NRG3: variants seen among roughly 807,000 people sequenced by gnomAD.
The protein encoded by NRG3 is neuregulin 3, also known as pro-neuregulin-3, membrane-bound isoform.
A neutral mutation model predicts 66.9 loss-of-function variants in NRG3; 31 were observed. The observed-to-expected ratio is 0.46, with a 90% CI of 0.35 to 0.63. The LOEUF (loss-of-function observed/expected upper bound fraction) is 0.63. Ranked by LOEUF, NRG3 falls within the 20% of genes least tolerant of loss-of-function variation. NRG3 has a pLI of 0.00. For missense variants in NRG3, 910 were observed against 878.9 expected, an observed-to-expected ratio of 1.04 and a Z score of -0.45; for synonymous variants, 393 against 359.4, an observed-to-expected ratio of 1.09 and a Z score of -1.06.
At chr10:82,514,038 T>C (rs1438579234) in intron 2 of NRG3, among the ~76,000 whole-genome samples, 4 of 152,182 alleles carry the variant, frequency 2.6e-5, no homozygotes, top group Admixed American at 2.6e-4. Context: ...ATGAGGTTGT[T>C]TGTTTTTTCC....
chr10:81,989,571 A>G (rs1353937577), intron 1 of NRG3, among the ~76,000 whole-genome samples: 1 of 152,172 alleles, frequency 6.6e-6, no homozygotes, highest in Non-Finnish European at 1.5e-5. Flanking sequence ...GTTTTCTCCG[A>G]GGGAATATTT....
intron 1 of NRG3, among the ~76,000 whole-genome samples, chr10:82,291,078 A>G (rs543883054): frequency 8.5e-5 from 13 of 152,242 alleles, no homozygotes; most frequent in African/African-American, 2.9e-4. Flanking sequence ...CAGTTGAACC[A>G]TAATATATAT....
At chr10:82,242,870 A>ATATT (rs1233704260) in intron 1 of NRG3, among the ~76,000 whole-genome samples, 1 of 152,216 alleles carries the variant, frequency 6.6e-6, no homozygotes, top group African/African-American at 2.4e-5. Flanking sequence ...CTACTGGCAA[A>ATATT]TGCACAGTCT....
At chr10:82,723,013 A>G (rs2057395997) in intron 2 of NRG3, among the ~76,000 whole-genome samples, 1 of 152,208 alleles carries the variant, frequency 6.6e-6, no homozygotes, top group African/African-American at 2.4e-5. Flanking sequence ...CAAAAGACCC[A>G]TGCACTTGCA....
chr10:82,357,242 A>G (rs1001534701), intron 1 of NRG3, among the ~76,000 whole-genome samples: 2 of 152,220 alleles, frequency 1.3e-5, no homozygotes, highest in African/African-American at 2.4e-5. Flanking sequence ...AAACATATAG[A>G]TGGCCCATGC....
chr10:82,086,266 A>G (rs1222838826), intron 1 of NRG3, among the ~76,000 whole-genome samples: 2 of 152,134 alleles, frequency 1.3e-5, no homozygotes, highest in Non-Finnish European at 2.9e-5. Flanking sequence ...AACTTCCTCT[A>G]CGAGAGTTTT....
intron 1 of NRG3, among the ~76,000 whole-genome samples, chr10:82,003,554 A>G (rs1255365312): frequency 1.3e-5 from 2 of 152,170 alleles, no homozygotes; most frequent in Non-Finnish European, 2.9e-5. Flanking sequence ...ACTGTTTCAG[A>G]AGCCAATAGA....
At chr10:82,967,407 C>T (rs2132524110) in intron 6 of NRG3, among the ~76,000 whole-genome samples, 1 of 152,220 alleles carries the variant, frequency 6.6e-6, no homozygotes, top group Non-Finnish European at 1.5e-5. Flanking sequence ...TCCACTCCAA[C>T]AGTGAAAAAC....
chr10:82,539,620 GT>G (rs796702910), intron 2 of NRG3, among the ~76,000 whole-genome samples: 1 of 150,170 alleles, frequency 6.7e-6, no homozygotes, highest in South Asian at 2.1e-4. Flanking sequence ...CTTGACTGCC[GT>G]TTTTTTTTGT....
chr10:82,714,876 G>A (rs1242206231), intron 2 of NRG3, among the ~76,000 whole-genome samples: 3 of 152,156 alleles, frequency 2.0e-5, no homozygotes, highest in Non-Finnish European at 4.4e-5. Flanking sequence ...AAAGAAGGTA[G>A]TGAAAAATCT....
intron 2 of NRG3, among the ~76,000 whole-genome samples, chr10:82,620,658 C>T (rs2048983199): frequency 6.6e-6 from 1 of 152,044 alleles, no homozygotes; most frequent in African/African-American, 2.4e-5. Context: ...GGTAAAAAGA[C>T]GTTATTCAAA....
At chr10:82,925,401 T>TGG (rs1337795554) in intron 4 of NRG3, among the ~76,000 whole-genome samples, 1 of 152,236 alleles carries the variant, frequency 6.6e-6, no homozygotes, top group Non-Finnish European at 1.5e-5. Flanking sequence ...CAAGTGCAAC[T>TGG]GGGGTTAATA....
At chr10:82,472,511 A>G (rs768932178) in intron 2 of NRG3, among the ~76,000 whole-genome samples, 5 of 152,188 alleles carry the variant, frequency 3.3e-5, no homozygotes, top group African/African-American at 4.8e-5. Context: ...ACTTATTACA[A>G]TATTTTCAAA....
intron 2 of NRG3, among the ~76,000 whole-genome samples, chr10:82,463,389 T>G (rs1430657436): frequency 1.3e-5 from 2 of 152,158 alleles, no homozygotes. Flanking sequence ...CTCTCTGTCT[T>G]CTCTCAATAT....
chr10:82,482,820 T>C (rs1053822720), intron 2 of NRG3, among the ~76,000 whole-genome samples: 1 of 152,160 alleles, frequency 6.6e-6, no homozygotes, highest in African/African-American at 2.4e-5. Flanking sequence ...AAAATGGTAG[T>C]GAGTAGGAGA....
chr10:82,403,264 C>A (rs2087247104), intron 2 of NRG3, among the ~76,000 whole-genome samples: 1 of 152,128 alleles, frequency 6.6e-6, no homozygotes, highest in South Asian at 2.1e-4. Flanking sequence ...CCTTGTAAAT[C>A]CTTTCACAGT....
intron 1 of NRG3, among the ~76,000 whole-genome samples, chr10:81,927,178 G>A (rs190760231): frequency 3.3e-5 from 5 of 152,174 alleles, no homozygotes; most frequent in Admixed American, 1.3e-4. Flanking sequence ...CTTACTTTTG[G>A]CTTGACACAA....
intron 3 of NRG3, among the ~76,000 whole-genome samples, chr10:82,780,456 T>G (rs1168990595): frequency 1.3e-5 from 2 of 151,228 alleles, no homozygotes; most frequent in African/African-American, 4.9e-5. Context: ...ATCTCAGCAT[T>G]GCGCCTCTTT....
At chr10:82,636,790 A>C (rs111415019) in intron 2 of NRG3, among the ~76,000 whole-genome samples, 4 of 150,462 alleles carry the variant, frequency 2.7e-5, no homozygotes, top group African/African-American at 9.8e-5. Context: ...TCATATGGTA[A>C]CTCTGTTTTT....
Sources: allele counts gnomAD v4.1 joint callset (sites outside exome capture counted in the v4.1 genomes callset), GRCh38; gene constraint gnomAD v4.1.1; transcripts MANE v1.5; gene names NCBI Gene and HGNC (gene_info 2026-07-23, HGNC 2026-07-21).